The following NWD1 variants were observed in gnomAD, a reference collection of about 807,000 sequenced individuals.
NWD1 encodes the protein NACHT domain- and WD repeat-containing protein 1.
A neutral mutation model predicts 135.1 loss-of-function variants in NWD1; 129 were observed. The ratio of observed to expected loss-of-function variants is 0.96; its 90% confidence interval spans 0.83 to 1.11. The LOEUF is 1.11. NWD1 is among the 50% of genes least tolerant of loss of function. NWD1 has a pLI of 0.00. For missense variants in NWD1, 1,740 were observed against 1,851.3 expected (o/e 0.94, Z 1.10); for synonymous variants, 773 against 786.0 (o/e 0.98, Z 0.28).
chr19:16,814,101 A>G (rs1366035659), intron 18 of NWD1, among the ~76,000 whole-genome samples: 10 of 152,164 alleles, frequency 6.6e-5, no homozygotes, highest in African/African-American at 2.4e-4. Context: ...TTGAGGCTGC[A>G]GTGAGCCATG....
intron 1 of NWD1, chr19:16,721,756 T>A (rs370315881): frequency 6.6e-6 from 1 of 152,230 alleles, no homozygotes; most frequent in East Asian, 1.9e-4. Context: ...TAAGCTGCAG[T>A]TTTCTCATCT....
intron 18 of NWD1, among the ~76,000 whole-genome samples, chr19:16,811,243 G>T (rs920076124): frequency 6.6e-6 from 1 of 152,044 alleles, no homozygotes; most frequent in Non-Finnish European, 1.5e-5. Flanking sequence ...GCTAACATCC[G>T]TATAACCAAA....
chr19:16,751,267 C>T (rs1432445621), intron 6 of NWD1, among the ~76,000 whole-genome samples: 3 of 150,696 alleles, frequency 2.0e-5, no homozygotes. Flanking sequence ...TCATGATAGT[C>T]TGGGGCCATT....
intron 4 of NWD1, among the ~76,000 whole-genome samples, chr19:16,742,348 C>T (rs1968119718): frequency 6.6e-6 from 1 of 152,110 alleles, no homozygotes; most frequent in Admixed American, 6.6e-5. Context: ...GCACTCCAGC[C>T]TGGGCGACAG....
chr19:16,784,774 CA>C (rs1969981202), intron 12 of NWD1, among the ~76,000 whole-genome samples: 1 of 151,878 alleles, frequency 6.6e-6, no homozygotes, highest in Non-Finnish European at 1.5e-5. Context: ...ACTAAAAATA[CA>C]AAAATTAGCC....
rs1347432789 is a variant in NWD1, at chr19:16,794,474, A to G, written c.3225A>G (p.Lys1075=). Reference sequence around the variant, plus strand: ...CTGGTTCTGCACAGGTTTCCTCCAAAGGGGACAGATTGCTGGAGAAGCTTC... The same window carrying G: ...CTGGTTCTGCACAGGTTTCCTCCAAGGGGGACAGATTGCTGGAGAAGCTTC... ...SNGSISLVSS[K]GDRLLEKLPD... is the part of the protein sequence containing the mutation. The change falls in exon 15 of 19, where the codon AAA becomes AAG. Residue 1075 remains lysine (K), a synonymous_variant. Coordinates refer to ENST00000524140, the MANE Select transcript of NWD1 (RefSeq NM_001007525.5). The G allele has an allele frequency of 1.2e-6, 2 of 1,610,606 alleles. No homozygotes were observed. Among genetic ancestry groups the G allele is most frequent in the East Asian group, 2.2e-5 (1 of 44,852 alleles).
intron 4 of NWD1, among the ~76,000 whole-genome samples, chr19:16,743,675 A>AGTTTGTTTATTTATTTATTT (rs1360493098): frequency 6.6e-6 from 1 of 151,598 alleles, no homozygotes; most frequent in East Asian, 1.9e-4. Context: ...TTTATTTATT[A>AGTTTGTTTATTTATTTATTT]GTTTGTTTAT....
At chr19:16,785,033 C>T (rs1003380851) in intron 12 of NWD1, among the ~76,000 whole-genome samples, 1 of 151,500 alleles carries the variant, frequency 6.6e-6, no homozygotes, top group Non-Finnish European at 1.5e-5. Flanking sequence ...GACTAATCCA[C>T]AGAGACAGGA....
In NWD1 at chr19:16,724,432, C is replaced by G. The variant is rs1056326760; in HGVS notation, c.-38C>G. The G allele has an allele frequency of 2.0e-5, 3 of 152,150 alleles. No individual in the cohort carries two copies. Among genetic ancestry groups the G allele is most frequent in the Non-Finnish European group, 4.4e-5 (3 of 68,042 alleles). The allele number at this position is 152,150 out of a possible 1,614,324, so 9.4% of individuals were successfully genotyped here. On this transcript the variant is annotated 5_prime_UTR_variant, in exon 2 of 19. Transcript: ENST00000524140. ...GTCCTCCAGGAGGGCGATGGAGGAG[C>G]CGGCATTCCAACCAGGCTCACGGAT...
rs1971046227 is a variant in NWD1, at chr19:16,815,583, G to C, written c.*544G>C. The C allele has an allele frequency of 2.2e-6, 1 of 444,892 alleles. No individual in the cohort carries two copies. Among genetic ancestry groups the C allele is most frequent in the Admixed American group, 4.1e-5 (1 of 24,640 alleles). The allele number at this position is 444,892 out of a possible 1,614,324, so 27.6% of individuals were successfully genotyped here. ...TGCTGTCTCCAATTTCAATAGAAAA[G>C]AGAGCTTCTCTTTCCCAACAGTCCT... On this transcript the variant is annotated 3_prime_UTR_variant, in exon 19 of 19. Transcript: ENST00000524140.
At chr19:16,799,237 C>T (rs914478565) in intron 16 of NWD1, among the ~76,000 whole-genome samples, 2 of 152,078 alleles carry the variant, frequency 1.3e-5, no homozygotes, top group Admixed American at 6.6e-5. Context: ...CACTCTGTTG[C>T]CAGCCTGAAG....
chr19:16,736,721 T>C lies in NWD1; in HGVS notation c.169T>C (p.Trp57Arg). Residue 57 changes from tryptophan (W) to arginine (R), a missense_variant, in exon 4 of 19, where the codon TGG (tryptophan) becomes CGG (arginine). Coordinates refer to ENST00000524140, the MANE Select transcript of NWD1 (RefSeq NM_001007525.5). Reference sequence around the variant, plus strand: ...CTGCTTGGAGGAGGTTGACCGGTGTTGGAAAACATCCATAGGGCCAGCTTT... The same window carrying C: ...CTGCTTGGAGGAGGTTGACCGGTGTCGGAAAACATCCATAGGGCCAGCTTT... ...ELCLEEVDRCWKTSIGPAFVA... is the reference protein window; with the variant it reads ...ELCLEEVDRCRKTSIGPAFVA... 1 of 1,535,978 alleles carries C rather than the reference T, an allele frequency of 6.5e-7. No individual in the cohort carries two copies. Among genetic ancestry groups the C allele is most frequent in the Non-Finnish European group, 8.7e-7 (1 of 1,146,496 alleles).
rs1414563977 is a variant in NWD1 at position 16,807,687 on chromosome 19, C to T, written c.3838C>T (p.Leu1280Phe). 1.2e-6 allele frequency: 2 copies of T among 1,612,520 alleles called. No individual in the cohort carries two copies. The highest frequency in any genetic ancestry group is 4.5e-5 in the East Asian group (2 of 44,846). Residue 1280 changes from leucine (L) to phenylalanine (F), a missense_variant, in exon 18 of 19, where the codon CTT becomes TTT. Physicochemically the swap from Leu to Phe is conservative, Grantham distance 22 (BLOSUM62 0). Coordinates refer to ENST00000524140, the MANE Select transcript of NWD1 (RefSeq NM_001007525.5). ...TACGGGCCTCGTGTCGGGGGTCGTC[C>T]TTGTGTTCCCCCTGAATTCCAGGCA... ...LFTGLVSGVV[L>F]VFPLNSRQDV...
At chr19:16,764,066 G>T (rs1167922063) in intron 9 of NWD1, 121 bp downstream of exon 9, 2 of 644,864 alleles carry the variant, frequency 3.1e-6, no homozygotes, top group East Asian at 2.8e-5. Context: ...TAAGGCAGAG[G>T]TTCTCACAAG....
Position 16,790,146 on chromosome 19 carries a change from G to A in NWD1, c.2940+956G>A, listed in dbSNP as rs189482362. ...ATAAATGGAGACACACAATAACTTC[G>A]TGGGTGATAGCTTACTAATTGATGC... On this transcript the variant is annotated intron_variant, in intron 13 of 18. Coordinates refer to ENST00000524140, the MANE Select transcript of NWD1 (RefSeq NM_001007525.5). Among the ~76,000 whole-genome samples, 780 of 152,124 alleles carry A rather than the reference G, an allele frequency of 5.1e-3. 9 individuals carry two copies. Among genetic ancestry groups the A allele is most frequent in the Non-Finnish European group, 5.4e-3 (366 of 67,994 alleles).
chr19:16,815,539 A>G lies in NWD1; in HGVS notation c.*500A>G. The G allele has an allele frequency of 1.9e-6, 1 of 533,162 alleles. No homozygotes were observed. The highest frequency in any genetic ancestry group is 3.3e-6 in the Non-Finnish European group (1 of 301,802). The allele number at this position is 533,162 out of a possible 1,614,324, so 33.0% of individuals were successfully genotyped here. A position where few individuals can be genotyped will look rare whatever the true frequency, so the allele number is the denominator to read the frequency against. On this transcript the variant is annotated 3_prime_UTR_variant, in exon 19 of 19. Transcript: ENST00000524140. ...TCAGACTTGCCACCCCCAGGTTAGC[A>G]ACATGGTGGCCAATATGCTGCTGTC...
chr19:16,812,707 C>A (rs1216270098), intron 18 of NWD1: 3 of 779,346 alleles, frequency 3.8e-6, no homozygotes, highest in African/African-American at 1.7e-5. Context: ...AACAAAAAAC[C>A]CAAGAAAAAG....
At chr19:16,754,432 T>G (rs1968704080) in intron 6 of NWD1, among the ~76,000 whole-genome samples, 1 of 145,044 alleles carries the variant, frequency 6.9e-6, no homozygotes, top group Non-Finnish European at 1.5e-5. Flanking sequence ...GCCCATCATT[T>G]CTATCTTCCT....
At chr19:16,733,260 C>A (rs1168826883) in intron 3 of NWD1, among the ~76,000 whole-genome samples, 1 of 151,610 alleles carries the variant, frequency 6.6e-6, no homozygotes, top group African/African-American at 2.4e-5. Flanking sequence ...GTGGCTCATG[C>A]CTGTAATCCC....
Sources: gnomAD v4.1 joint callset for allele counts (sites outside exome capture counted in the v4.1 genomes callset) on GRCh38, gnomAD v4.1.1 for gene constraint, MANE v1.5 for transcripts, NCBI Gene and HGNC (gene_info 2026-07-23, HGNC 2026-07-21) for gene names.